Variants in TTC5 observed in about 807,000 individuals in gnomAD.
TTC5 encodes tetratricopeptide repeat protein 5.
In TTC5, 46 loss-of-function variants were observed where a neutral mutation model predicts 57.4. The observed-to-expected ratio is 0.80, with a 90% CI of 0.63 to 1.03. The LOEUF (loss-of-function observed/expected upper bound fraction) is 1.03, where lower values mean the gene tolerates loss of function less well. TTC5 is among the 50% of genes least tolerant of loss of function. The pLI is 0.00. For synonymous variants in TTC5, 190 were observed against 203.5 expected (o/e 0.93, Z 0.57); for missense variants, 504 against 528.1 (o/e 0.95, Z 0.45).
In TTC5 at chr14:20,286,287, G is replaced by A. The variant is rs553689113; in HGVS notation, c.*3340C>T. 1 of 152,218 alleles carries A rather than the reference G, an allele frequency of 6.6e-6. No individual in the cohort carries two copies. The highest frequency in any genetic ancestry group is 2.4e-5 in the African/African-American group (1 of 41,534). The allele number at this position is 152,218 out of a possible 1,614,324, so 9.4% of individuals were successfully genotyped here. On this transcript the variant is annotated 3_prime_UTR_variant, in exon 10 of 10. Coordinates refer to ENST00000258821, the MANE Select transcript of TTC5 (RefSeq NM_138376.3). ...TATAATGGATTAGTATCCAGAACATGTAAGGAATCAATAAGAAGACAACCC... is the reference window on the plus strand; with the variant it reads ...TATAATGGATTAGTATCCAGAACATATAAGGAATCAATAAGAAGACAACCC...
chr14:20,298,218 A>G (rs1882105915), intron 5 of TTC5, among the ~76,000 whole-genome samples: 1 of 152,220 alleles, frequency 6.6e-6, no homozygotes, highest in African/African-American at 2.4e-5. Context: ...GTCTGAGGGA[A>G]AGCCCTATGC....
At chr14:20,302,551 G>C (rs1481452393) in intron 1 of TTC5, among the ~76,000 whole-genome samples, 1 of 152,146 alleles carries the variant, frequency 6.6e-6, no homozygotes, top group Non-Finnish European at 1.5e-5. Context: ...TCTTTTAAAT[G>C]CTTATTGTGG....
chr14:20,293,455 C>T (rs920358608), intron 8 of TTC5: 4 of 152,094 alleles, frequency 2.6e-5, no homozygotes, highest in African/African-American at 7.2e-5. Flanking sequence ...GGGAAAGAGA[C>T]AAAAGATAAT....
rs1234695193 is a variant in TTC5 at position 20,289,661 on chromosome 14, AC to A, written c.1288del (p.Val430LeufsTer14). 3.7e-6 allele frequency: 6 copies of A among 1,613,800 alleles called. No individual in the cohort carries two copies. The highest frequency in any genetic ancestry group is 5.1e-6 in the Non-Finnish European group (6 of 1,179,756). On this transcript the variant is annotated frameshift_variant, in exon 10 of 10. Transcript: ENST00000258821. LOFTEE classifies it high-confidence loss of function. The part of the protein sequence containing the change: ...GKPQGSSSQA[V>X]ATVASRPQCE ...CTGTGGTCGCGATGCCACTGTGGCA[AC>A]AGCCTGGCTGCTGGATCCCTGAGGC...
In TTC5 at chr14:20,287,208, A is replaced by C. The variant is rs1203767470; in HGVS notation, c.*2419T>G. The C allele has an allele frequency of 1.3e-5, 2 of 152,216 alleles. No homozygotes were observed. Among genetic ancestry groups the C allele is most frequent in the Non-Finnish European group, 1.5e-5 (1 of 68,040 alleles). 9.4% of individuals were successfully genotyped at this position (152,216 alleles called of 1,614,324 possible). On this transcript the variant is annotated 3_prime_UTR_variant, in exon 10 of 10. Transcript: ENST00000258821. ...GTCACCTGGAGGGTTTGCGAAACAC[A>C]GATTGCTGGGCTCCTCCCACATAGT...
In TTC5 at chr14:20,295,496, T is replaced by G; in HGVS notation, c.874A>C (p.Met292Leu). ...GKVKTKKLQSMLGSLRPAHLG... is the reference protein window; with the variant it reads ...GKVKTKKLQSLLGSLRPAHLG... ...TGGGCTGGGCGCAAGCTTCCCAGCA[T>G]GCTCTGCAGCTTTTTGGTCTTCACC... is the stretch of plus-strand genomic sequence containing the variant. Residue 292 changes from methionine to leucine, a missense_variant, in exon 8 of 10, where the codon ATG becomes CTG. Physicochemically the swap from Met to Leu is conservative, Grantham distance 15. Transcript: ENST00000258821. The G allele has an allele frequency of 6.2e-7, 1 of 1,613,076 alleles. No individual in the cohort carries two copies. The highest frequency in any genetic ancestry group is 1.1e-5 in the South Asian group (1 of 91,056).
At chr14:20,289,809 G>A (rs1330153570) in intron 9 of TTC5, 63 bp from the exon 10 acceptor site, 2 of 1,515,412 alleles carry the variant, frequency 1.3e-6, no homozygotes, top group Non-Finnish European at 1.8e-6. Context: ...CTCCAGCATG[G>A]GGATACACCA....
At chr14:20,305,022 G>A (rs1218345639) in intron 1 of TTC5, among the ~76,000 whole-genome samples, 1 of 152,024 alleles carries the variant, frequency 6.6e-6, no homozygotes, top group African/African-American at 2.4e-5. Context: ...CACAAATAAT[G>A]TTTCTAATAT....
chr14:20,300,077 TG>T (rs1328714255), intron 3 of TTC5, among the ~76,000 whole-genome samples: 1 of 149,236 alleles, frequency 6.7e-6, no homozygotes, highest in Non-Finnish European at 1.5e-5. Flanking sequence ...TGACCTCAAA[TG>T]ATCTCCCCAC....
chr14:20,303,667 A>C (rs764670523), intron 1 of TTC5, among the ~76,000 whole-genome samples: 1 of 135,182 alleles, frequency 7.4e-6, no homozygotes, highest in African/African-American at 2.5e-5. Context: ...GTGATCTTAT[A>C]AAAAACGTAC....
At chr14:20,297,508 C>T (rs1882089979) in intron 5 of TTC5, among the ~76,000 whole-genome samples, 1 of 152,188 alleles carries the variant, frequency 6.6e-6, no homozygotes, top group East Asian at 1.9e-4. Context: ...CGGTGGCTCA[C>T]ACTTGTAATC....
At chr14:20,304,334 T>C (rs933442518) in intron 1 of TTC5, among the ~76,000 whole-genome samples, 1 of 152,218 alleles carries the variant, frequency 6.6e-6, no homozygotes, top group Admixed American at 6.5e-5. Context: ...TTTATTGTAT[T>C]ATATCCAAGA....
chr14:20,295,353 T>C lies in TTC5; in HGVS notation c.1017A>G (p.Gly339=), dbSNP rs2138809374. 2 of 1,614,096 alleles carry C rather than the reference T, an allele frequency of 1.2e-6. No individual in the cohort carries two copies. Among genetic ancestry groups the C allele is most frequent in the Middle Eastern group, 3.3e-4 (2 of 6,062 alleles). ...PGVNSGAVIL[G]KVVFSLTTEE... ...CTGTGGTGAGGCTAAATACCACCTT[T>C]CCCAGGATGACGGCACCGCTGTTCA... is the stretch of plus-strand genomic sequence containing the variant. The change falls in exon 8 of 10, where the codon GGA becomes GGG. Residue 339 remains glycine (G), a synonymous_variant. Coordinates refer to ENST00000258821, the MANE Select transcript of TTC5 (RefSeq NM_138376.3).
rs771425803 is a variant in TTC5 at position 20,298,794 on chromosome 14, T to TA, written c.639+2dup. Reference sequence around the variant, plus strand: ...ATCTGGCCTGGTGACCATAAGTACTTACTGCTTGGGCATAGGCACTGAGGG... The same window carrying TA: ...ATCTGGCCTGGTGACCATAAGTACTTAACTGCTTGGGCATAGGCACTGAGGG... On this transcript the variant is annotated splice_region_variant and intron_variant, in intron 5 of 9. Coordinates refer to ENST00000258821, the MANE Select transcript of TTC5 (RefSeq NM_138376.3). 82 of 1,607,806 alleles carry TA rather than the reference T, an allele frequency of 5.1e-5. No homozygotes were observed. Among genetic ancestry groups the TA allele is most frequent in the Non-Finnish European group, 6.7e-5 (79 of 1,174,348 alleles).
In TTC5 at chr14:20,299,393, G is replaced by A; in HGVS notation, c.452C>T (p.Thr151Ile). ...NLSMVLRQLR[T>I]DTEDEHSHHV... ...GTGAGAATGTTCATCTTCAGTGTCAGTCCGCAGCTGACGAAGCACCATTGA... is the reference window on the plus strand; with the variant it reads ...GTGAGAATGTTCATCTTCAGTGTCAATCCGCAGCTGACGAAGCACCATTGA... The change falls in exon 4 of 10, where the codon ACT (threonine) becomes ATT (isoleucine). Residue 151 changes from threonine to isoleucine, a missense_variant. Coordinates refer to ENST00000258821, the MANE Select transcript of TTC5 (RefSeq NM_138376.3). 5.6e-6 allele frequency: 9 copies of A among 1,614,112 alleles called. No individual in the cohort carries two copies. Among genetic ancestry groups the A allele is most frequent in the East Asian group, 2.2e-5 (1 of 44,880 alleles).
chr14:20,300,191 G>T (rs1411942262), intron 3 of TTC5: 1 of 52,986 alleles, frequency 1.9e-5, no homozygotes, highest in African/African-American at 6.5e-5. Flanking sequence ...TAGAGACAAG[G>T]TCTCACCATG....
At chr14:20,298,666 T>C in intron 5 of TTC5, 131 bp downstream of exon 5, 2 of 647,454 alleles carry the variant, frequency 3.1e-6, no homozygotes. Flanking sequence ...CTTTGCAAAA[T>C]CACAAAAATG....
At chr14:20,301,742 A>G in intron 2 of TTC5, 91 bp downstream of exon 2, 1 of 1,524,678 alleles carries the variant, frequency 6.6e-7, no homozygotes, top group Non-Finnish European at 9.0e-7. Flanking sequence ...TAGCAGTAAC[A>G]GATAGGATAC....
Position 20,287,230 on chromosome 14 carries a change from T to A in TTC5, c.*2397A>T, listed in dbSNP as rs1253071487. 1 of 152,220 alleles carries A rather than the reference T, an allele frequency of 6.6e-6. No homozygotes were observed. Among genetic ancestry groups the A allele is most frequent in the Non-Finnish European group, 1.5e-5 (1 of 68,048 alleles). 9.4% of individuals were successfully genotyped at this position (152,220 alleles called of 1,614,324 possible). A position where few individuals can be genotyped will look rare whatever the true frequency, so the allele number is the denominator to read the frequency against. On this transcript the variant is annotated 3_prime_UTR_variant, in exon 10 of 10. Coordinates refer to ENST00000258821, the MANE Select transcript of TTC5 (RefSeq NM_138376.3). ...CACAGATTGCTGGGCTCCTCCCACATAGTTTTGAATTCAGTAAGTCTGGGT... is the reference window on the plus strand; with the variant it reads ...CACAGATTGCTGGGCTCCTCCCACAAAGTTTTGAATTCAGTAAGTCTGGGT...
Sources: allele counts gnomAD v4.1 joint callset (sites outside exome capture counted in the v4.1 genomes callset), GRCh38; gene constraint gnomAD v4.1.1; transcripts MANE v1.5; gene names NCBI Gene and HGNC (gene_info 2026-07-23, HGNC 2026-07-21).